The following CDKAL1 variants were observed in gnomAD, a reference collection of about 807,000 sequenced individuals.
CDKAL1 encodes the protein CDKAL1 threonylcarbamoyladenosine tRNA methylthiotransferase, also known as threonylcarbamoyladenosine tRNA methylthiotransferase.
A neutral mutation model predicts 68.2 loss-of-function variants in CDKAL1; 32 were observed. That is an observed-to-expected ratio of 0.47 (90% CI 0.35 to 0.63). The LOEUF (loss-of-function observed/expected upper bound fraction) is 0.63. Ranked by LOEUF, CDKAL1 falls within the 30% of genes least tolerant of loss-of-function variation. The probability of loss-of-function intolerance (pLI) is 0.00; values close to 1 mark genes in which losing one functional copy is unlikely to be tolerated. For missense variants in CDKAL1, 606 were observed against 696.7 expected, an observed-to-expected ratio of 0.87 and a Z score of 1.47; for synonymous variants, 234 against 244.3, an observed-to-expected ratio of 0.96 and a Z score of 0.39.
intron 11 of CDKAL1, among the ~76,000 whole-genome samples, chr6:21,002,471 G>C (rs1021540991): frequency 1.3e-5 from 2 of 152,058 alleles, no homozygotes; most frequent in Non-Finnish European, 2.9e-5. Flanking sequence ...TAGTCAGTTA[G>C]CATCTCTGAG....
In CDKAL1 at chr6:20,566,414, A is replaced by G. The variant is rs72830622; in HGVS notation, c.286+17709A>G. ...GTGCCACTCACTAGTCTGTGTCAAG[A>G]ACTGAAAAAGAACAAGAAAAATGTA... is the stretch of plus-strand genomic sequence containing the variant. On this transcript the variant is annotated intron_variant, in intron 4 of 15. Transcript: ENST00000274695. 6.9e-3 allele frequency among the ~76,000 whole-genome samples: 1,054 copies of G among 152,282 alleles called. 9 individuals are homozygous for G. Among genetic ancestry groups the G allele is most frequent in the Non-Finnish European group, 0.011 (742 of 67,982 alleles).
At chr6:20,799,233 G>T (rs1388673719) in intron 8 of CDKAL1, among the ~76,000 whole-genome samples, 1 of 151,680 alleles carries the variant, frequency 6.6e-6, no homozygotes, top group Non-Finnish European at 1.5e-5. Flanking sequence ...TGTATTTTTA[G>T]TAGAGACGGG....
chr6:20,812,252 A>G (rs1776851856), intron 8 of CDKAL1, among the ~76,000 whole-genome samples: 1 of 152,168 alleles, frequency 6.6e-6, no homozygotes, highest in Non-Finnish European at 1.5e-5. Flanking sequence ...GTTAAGTATT[A>G]TGGTTTGTTT....
At chr6:20,781,352 T>C in intron 8 of CDKAL1, 87 bp downstream of exon 8, 1 of 1,170,102 alleles carries the variant, frequency 8.5e-7, no homozygotes, top group Middle Eastern at 2.1e-4. Flanking sequence ...CATAGAAAAG[T>C]AGCTGAACAT....
chr6:20,698,303 C>T (rs1771194309), intron 5 of CDKAL1, among the ~76,000 whole-genome samples: 1 of 152,180 alleles, frequency 6.6e-6, no homozygotes, highest in African/African-American at 2.4e-5. Flanking sequence ...AAACCTCTTA[C>T]CCAGTTTCTC....
At chr6:20,806,889 C>G (rs531938115) in intron 8 of CDKAL1, among the ~76,000 whole-genome samples, 9 of 152,170 alleles carry the variant, frequency 5.9e-5, no homozygotes, top group Non-Finnish European at 1.2e-4. Context: ...AGATGTGTTA[C>G]AGCTGATACG....
At chr6:20,957,416 C>T (rs1207402789) in intron 10 of CDKAL1, among the ~76,000 whole-genome samples, 4 of 152,078 alleles carry the variant, frequency 2.6e-5, no homozygotes, top group African/African-American at 7.2e-5. Context: ...ACTTGGGGAG[C>T]GTCTAAAAAT....
chr6:20,596,905 G>C (rs1269359506), intron 4 of CDKAL1, among the ~76,000 whole-genome samples: 2 of 152,124 alleles, frequency 1.3e-5, no homozygotes, highest in African/African-American at 4.8e-5. Context: ...GGAGTTCCTC[G>C]ATGCCTTGTG....
chr6:20,892,460 A>G (rs1313267356), intron 9 of CDKAL1, among the ~76,000 whole-genome samples: 2 of 152,180 alleles, frequency 1.3e-5, no homozygotes, highest in Admixed American at 6.5e-5. Flanking sequence ...AGGTGAAATG[A>G]CGTATCTGAG....
intron 10 of CDKAL1, among the ~76,000 whole-genome samples, chr6:20,975,057 TA>T: frequency 6.6e-6 from 1 of 151,976 alleles, no homozygotes; most frequent in African/African-American, 2.4e-5. Flanking sequence ...AGACTGTTTT[TA>T]GCAATGCTTT....
intron 10 of CDKAL1, among the ~76,000 whole-genome samples, chr6:20,963,321 A>G (rs1765146866): frequency 6.6e-6 from 1 of 151,610 alleles, no homozygotes; most frequent in Non-Finnish European, 1.5e-5. Context: ...AAAAAAAAAA[A>G]GACTTGCATC....
intron 8 of CDKAL1, among the ~76,000 whole-genome samples, chr6:20,824,774 G>A (rs1211590822): frequency 3.3e-5 from 5 of 151,938 alleles, no homozygotes; most frequent in African/African-American, 7.2e-5. Context: ...CCGCAAGGGC[G>A]TAATTCCAGG....
chr6:21,195,148 G>GT (rs1347520650), intron 13 of CDKAL1, among the ~76,000 whole-genome samples: 1 of 151,902 alleles, frequency 6.6e-6, no homozygotes, highest in African/African-American at 2.4e-5. Flanking sequence ...CCTAGGCTCA[G>GT]TTTTTTTCCG....
At chr6:21,078,350 A>G (rs1371619009) in intron 12 of CDKAL1, among the ~76,000 whole-genome samples, 1 of 152,166 alleles carries the variant, frequency 6.6e-6, no homozygotes, top group Non-Finnish European at 1.5e-5. Flanking sequence ...GCTAGATACT[A>G]CCCTACAGTC....
intron 9 of CDKAL1, among the ~76,000 whole-genome samples, chr6:20,927,465 A>G (rs1017330470): frequency 2.0e-5 from 3 of 152,212 alleles, no homozygotes; most frequent in Non-Finnish European, 2.9e-5. Flanking sequence ...AAAACCGTTT[A>G]CAGTTGTATT....
At chr6:20,600,789 C>CACACATATATATATATATATATATAT (rs1766060485) in intron 4 of CDKAL1, among the ~76,000 whole-genome samples, 75 of 130,478 alleles carry the variant, frequency 5.7e-4, no homozygotes, top group Admixed American at 3.7e-3. Context: ...TATATATATA[C>CACACATATATATATATATATATATAT]ACACACACAC....
chr6:20,745,370 A>G (rs902725784), intron 6 of CDKAL1, among the ~76,000 whole-genome samples: 5 of 152,214 alleles, frequency 3.3e-5, no homozygotes, highest in Non-Finnish European at 1.5e-5. Context: ...CAGTGGGATC[A>G]GTATTGAGGG....
At chr6:21,002,580 A>G (rs1483133917) in intron 11 of CDKAL1, among the ~76,000 whole-genome samples, 2 of 152,066 alleles carry the variant, frequency 1.3e-5, no homozygotes, top group African/African-American at 4.8e-5. Context: ...ATATATTGCA[A>G]AACTGTAGTA....
At chr6:20,542,547 A>C (rs542264776) in intron 2 of CDKAL1, among the ~76,000 whole-genome samples, 74 of 152,234 alleles carry the variant, frequency 4.9e-4, no homozygotes, top group African/African-American at 1.7e-3. Flanking sequence ...TAGTGGTAGT[A>C]CTATCAGTAA....
Sources: gnomAD v4.1 joint callset for allele counts (sites outside exome capture counted in the v4.1 genomes callset) on GRCh38, gnomAD v4.1.1 for gene constraint, MANE v1.5 for transcripts, NCBI Gene and HGNC (gene_info 2026-07-23, HGNC 2026-07-21) for gene names.